The following COL8A2 variants were observed in gnomAD, a reference collection of about 807,000 sequenced individuals.
COL8A2 encodes the protein collagen alpha-2(VIII) chain.
A neutral mutation model predicts 24.0 loss-of-function variants in COL8A2; 16 were observed. That is an observed-to-expected ratio of 0.67 (90% CI 0.45 to 1.01). The LOEUF (loss-of-function observed/expected upper bound fraction) is 1.01. Ranked by LOEUF, COL8A2 falls within the 50% of genes least tolerant of loss-of-function variation. The pLI is 0.00. For synonymous variants in COL8A2, 466 were observed against 424.5 expected, an observed-to-expected ratio of 1.10 and a Z score of -1.20; for missense variants, 818 against 942.4, an observed-to-expected ratio of 0.87 and a Z score of 1.73.
Position 36,123,008 on chromosome 1 carries a change from G to T in COL8A2, c.-62+2049C>A, listed in dbSNP as rs955266399. 3.3e-5 allele frequency among the ~76,000 whole-genome samples: 5 copies of T among 152,068 alleles called. No individual in the cohort carries two copies. The highest frequency in any genetic ancestry group is 4.4e-5 in the Non-Finnish European group (3 of 68,022). ...CTCCCATTCACCCTTTCCACCCCCT[G>T]CACCTGTCAAAATTATCATCTTCGA... On this transcript the variant is annotated intron_variant, in intron 1 of 3. Transcript: ENST00000397799. The surrounding 1 kb of genome is among the most constrained non-coding windows in gnomAD (Gnocchi z 4.1).
intron 2 of COL8A2, among the ~76,000 whole-genome samples, chr1:36,108,582 T>C (rs1643794380): frequency 6.6e-6 from 1 of 152,188 alleles, no homozygotes; most frequent in African/African-American, 2.4e-5. Flanking sequence ...TTTCCCCCCT[T>C]TTCAGCAAAT....
rs144056181 is a variant in COL8A2 at position 36,121,564 on chromosome 1, C to T, written c.-62+3493G>A. On this transcript the variant is annotated intron_variant, in intron 1 of 3. Coordinates refer to ENST00000397799, the MANE Select transcript of COL8A2 (RefSeq NM_005202.4). ...TCTACTAAAAATACAAAAAATTAGC[C>T]GGGCATGGTGGTGGACGCCTATAAT... Among the ~76,000 whole-genome samples, 906 of 150,278 alleles carry T rather than the reference C, an allele frequency of 6.0e-3. 13 individuals carry two copies. Among genetic ancestry groups the T allele is most frequent in the African/African-American group, 0.021 (849 of 40,734 alleles).
rs529617281 is a variant in COL8A2, at chr1:36,100,102, C to T, written c.141G>A (p.Met47Ile). ...GYAPVKYIQPMQKGPVGPPFR... is the reference protein window; with the variant it reads ...GYAPVKYIQPIQKGPVGPPFR... ...AGGGCGGTCCCACAGGTCCTTTCTG[C>T]ATGGGCTGGATGTACTTCACTGGGG... Residue 47 changes from methionine to isoleucine, a missense_variant, in exon 3 of 4, where the codon ATG (methionine) becomes ATA (isoleucine). By Grantham distance (10) the Met-to-Ile change is conservative. Around this residue, in one of 3 missense-constraint regions of COL8A2, gnomAD observed 573 missense variants for 616.8 expected, o/e 0.93. Coordinates refer to ENST00000397799, the MANE Select transcript of COL8A2 (RefSeq NM_005202.4). 1 of 1,612,804 alleles carries T rather than the reference C, an allele frequency of 6.2e-7. No homozygotes were observed. The highest frequency in any genetic ancestry group is 1.1e-5 in the South Asian group (1 of 91,060).
rs201235688 is a variant in COL8A2, at chr1:36,098,380, C to A, written c.1301G>T (p.Arg434Leu). 1 of 1,558,426 alleles carries A rather than the reference C, an allele frequency of 6.4e-7. No individual in the cohort carries two copies. The highest frequency in any genetic ancestry group is 8.7e-7 in the Non-Finnish European group (1 of 1,151,488). ...GPKGEPGFTG[R>L]PGGPGVAGAL... ...TCCTGCCACCCCTGGTCCTCCAGGG[C>A]GACCCGTGAAACCCGGCTCACCCTT... The change falls in exon 4 of 4, where the codon CGC becomes CTC. Residue 434 changes from arginine (R) to leucine (L), a missense_variant. By Grantham distance (102) the Arg-to-Leu change is moderately radical. Transcript: ENST00000397799.
chr1:36,103,338 TCTC>T (rs1643706647), intron 2 of COL8A2, among the ~76,000 whole-genome samples: 1 of 151,940 alleles, frequency 6.6e-6, no homozygotes, highest in African/African-American at 2.4e-5. Context: ...AGTGGTGTGA[TCTC>T]GGCTCACTGC....
At chr1:36,108,668 C>T (rs866199586) in intron 2 of COL8A2, among the ~76,000 whole-genome samples, 1 of 152,150 alleles carries the variant, frequency 6.6e-6, no homozygotes, top group Non-Finnish European at 1.5e-5. Flanking sequence ...CCAAGGAGAC[C>T]GGCTGGGAGT....
At chr1:36,119,843 A>G (rs924578220) in intron 1 of COL8A2, among the ~76,000 whole-genome samples, 1 of 152,158 alleles carries the variant, frequency 6.6e-6, no homozygotes, top group Non-Finnish European at 1.5e-5. Flanking sequence ...GTTTCTCCTC[A>G]CCACAGGTTG....
intron 2 of COL8A2, among the ~76,000 whole-genome samples, chr1:36,107,921 C>T (rs965014028): frequency 1.2e-4 from 18 of 152,260 alleles, no homozygotes; most frequent in African/African-American, 3.8e-4. Flanking sequence ...TGAGGCCTGC[C>T]GATACCCACG....
intron 1 of COL8A2, among the ~76,000 whole-genome samples, chr1:36,120,051 A>G (rs565256518): frequency 3.1e-4 from 47 of 152,224 alleles, no homozygotes; most frequent in African/African-American, 9.9e-4. Context: ...GGGTTCCTAG[A>G]TAATAGAAAA....
Position 36,125,154 on chromosome 1 carries a change from TGGGGTCC to T in COL8A2, c.-166_-160del. The T allele has an allele frequency of 1.6e-6, 1 of 610,676 alleles. No homozygotes were observed. The highest frequency in any genetic ancestry group is 2.0e-6 in the Non-Finnish European group (1 of 490,104). 37.8% of individuals were successfully genotyped at this position (610,676 alleles called of 1,614,324 possible). ...GCGTCCGCGGCTGGGCGGGCGGCGT[TGGGGTCC>T]GGGGTCCGCGCCGGCGGGGTTCCGC... On this transcript the variant is annotated 5_prime_UTR_variant, in exon 1 of 4. Transcript: ENST00000397799. The surrounding 1 kb of genome is among the most constrained non-coding windows in gnomAD (Gnocchi z 4.5).
chr1:36,112,402 A>C (rs1304215338), intron 2 of COL8A2, among the ~76,000 whole-genome samples: 1 of 151,902 alleles, frequency 6.6e-6, no homozygotes, highest in Non-Finnish European at 1.5e-5. Flanking sequence ...CTCAGCTCCT[A>C]CTCATCACCT....
chr1:36,101,174 A>C (rs994449053), intron 2 of COL8A2, among the ~76,000 whole-genome samples: 2 of 152,002 alleles, frequency 1.3e-5, no homozygotes, highest in Non-Finnish European at 2.9e-5. Flanking sequence ...GATTACAGGC[A>C]TGAGCCACCG....
At chr1:36,110,828 C>G (rs1643831318) in intron 2 of COL8A2, among the ~76,000 whole-genome samples, 1 of 151,686 alleles carries the variant, frequency 6.6e-6, no homozygotes, top group Non-Finnish European at 1.5e-5. Context: ...TTCTGGCTTT[C>G]TTGACCTTTT....
rs1313801842 is a variant in COL8A2, at chr1:36,096,101, C to T, written c.*1468G>A. ...GGAGCAGTGCAACGAGATCACAGACCGAATGACCCCAGTTCACACTTGGTA... is the reference window on the plus strand; with the variant it reads ...GGAGCAGTGCAACGAGATCACAGACTGAATGACCCCAGTTCACACTTGGTA... On this transcript the variant is annotated 3_prime_UTR_variant, in exon 4 of 4. Coordinates refer to ENST00000397799, the MANE Select transcript of COL8A2 (RefSeq NM_005202.4). 2.0e-5 allele frequency: 3 copies of T among 151,950 alleles called. No individual in the cohort carries two copies. Among genetic ancestry groups the T allele is most frequent in the Admixed American group, 1.3e-4 (2 of 15,260 alleles). 9.4% of individuals were successfully genotyped at this position (151,950 alleles called of 1,614,324 possible). A position where few individuals can be genotyped will look rare whatever the true frequency, so the allele number is the denominator to read the frequency against.
chr1:36,103,335 T>C (rs1011451555), intron 2 of COL8A2, among the ~76,000 whole-genome samples: 2 of 151,742 alleles, frequency 1.3e-5, no homozygotes, highest in African/African-American at 4.8e-5. Flanking sequence ...TGCAGTGGTG[T>C]GATCTCGGCT....
intron 2 of COL8A2, among the ~76,000 whole-genome samples, chr1:36,107,597 G>C (rs1271329692): frequency 6.6e-6 from 1 of 152,220 alleles, no homozygotes; most frequent in Non-Finnish European, 1.5e-5. Flanking sequence ...TCTGGGTGGA[G>C]CTGGGGAGTG....
At chr1:36,109,092 C>T (rs1208558954) in intron 2 of COL8A2, among the ~76,000 whole-genome samples, 1 of 152,230 alleles carries the variant, frequency 6.6e-6, no homozygotes, top group Non-Finnish European at 1.5e-5. Context: ...CCTACTGCTC[C>T]AAGCCCCCCA....
At chr1:36,103,117 G>A (rs1363268210) in intron 2 of COL8A2, among the ~76,000 whole-genome samples, 1 of 151,954 alleles carries the variant, frequency 6.6e-6, no homozygotes, top group East Asian at 1.9e-4. Context: ...CAAGTAGCTG[G>A]GACAACAGGC....
chr1:36,123,348 GAGC>G lies in COL8A2; in HGVS notation c.-62+1706_-62+1708del, dbSNP rs759271563. On this transcript the variant is annotated intron_variant, in intron 1 of 3. Coordinates refer to ENST00000397799, the MANE Select transcript of COL8A2 (RefSeq NM_005202.4). This position sits in a 1 kb window ranked among gnomAD's most constrained non-coding sequence, Gnocchi z 4.1. ...GCGTCCTTTGTTCCGGCTCAGGCAG[GAGC>G]AGAGAAGGTAGTGGAGTACAGGGGC... is the stretch of plus-strand genomic sequence containing the variant. Among the ~76,000 whole-genome samples, 4 of 152,260 alleles carry G rather than the reference GAGC, an allele frequency of 2.6e-5. No individual in the cohort carries two copies. Among genetic ancestry groups the G allele is most frequent in the Admixed American group, 2.6e-4 (4 of 15,292 alleles).
Sources: gnomAD v4.1 joint callset for allele counts (sites outside exome capture counted in the v4.1 genomes callset) on GRCh38, gnomAD v4.1.1 for gene constraint, gnomAD v4.1.1 regional missense constraint, Gnocchi (gnomAD v3.1) non-coding constraint, MANE v1.5 for transcripts, NCBI Gene and HGNC (gene_info 2026-07-23, HGNC 2026-07-21) for gene names.